The following LDLRAD3 variants were observed in gnomAD, a reference collection of about 807,000 sequenced individuals.
The protein encoded by LDLRAD3 is low-density lipoprotein receptor class A domain-containing protein 3.
A neutral mutation model predicts 29.4 loss-of-function variants in LDLRAD3; 20 were observed. The ratio of observed to expected loss-of-function variants is 0.68; its 90% CI spans 0.48 to 0.99. The LOEUF (loss-of-function observed/expected upper bound fraction) is 0.99. Ranked by LOEUF, LDLRAD3 falls within the 50% of genes least tolerant of loss-of-function variation. LDLRAD3 has a pLI of 0.00. For missense variants in LDLRAD3, 420 were observed against 454.3 expected (o/e 0.92, Z 0.69); for synonymous variants, 157 against 192.7 (o/e 0.81, Z 1.53).
chr11:35,950,831 C>G (rs539837166), intron 1 of LDLRAD3, among the ~76,000 whole-genome samples: 2 of 152,230 alleles, frequency 1.3e-5, no homozygotes, highest in African/African-American at 4.8e-5. Context: ...TGCCTGTAAT[C>G]CCAGCACTTT....
intron 4 of LDLRAD3, among the ~76,000 whole-genome samples, chr11:36,129,477 G>T (rs1853892531): frequency 6.6e-6 from 1 of 152,178 alleles, no homozygotes; most frequent in Non-Finnish European, 1.5e-5. Flanking sequence ...CTGTCCCAGA[G>T]TCCCTTCAGA....
Position 36,167,399 on chromosome 11 carries a change from A to G in LDLRAD3, c.455-59686A>G, listed in dbSNP as rs1387254920. On this transcript the variant is annotated intron_variant, in intron 4 of 5. Coordinates refer to ENST00000315571, the MANE Select transcript of LDLRAD3 (RefSeq NM_174902.4). ...ATTACCATAGCCTAGCTAAGTTGAC[A>G]CATAAAATTAACCATCACGATGAGG... Among the ~76,000 whole-genome samples, 3 of 152,220 alleles carry G rather than the reference A, an allele frequency of 2.0e-5. No homozygotes were observed. In the East Asian group the frequency reaches 5.8e-4, roughly 29 times the overall value.
chr11:36,018,390 G>C (rs990154340), intron 1 of LDLRAD3, among the ~76,000 whole-genome samples: 2 of 152,110 alleles, frequency 1.3e-5, no homozygotes, highest in Non-Finnish European at 2.9e-5. Flanking sequence ...AAGTTAGTAT[G>C]AGTTTATTTG....
At chr11:36,063,567 T>G (rs775808814) in intron 2 of LDLRAD3, among the ~76,000 whole-genome samples, 3 of 152,218 alleles carry the variant, frequency 2.0e-5, no homozygotes, top group Non-Finnish European at 4.4e-5. Flanking sequence ...TTCATCTGTG[T>G]TGTATCATGT....
At chr11:36,012,321 C>T (rs975417588) in intron 1 of LDLRAD3, among the ~76,000 whole-genome samples, 3 of 152,194 alleles carry the variant, frequency 2.0e-5, no homozygotes, top group African/African-American at 7.2e-5. Context: ...AGCACAAATT[C>T]TTTTTCCTTC....
At chr11:35,974,834 ACAAGGG>A (rs1358168289) in intron 1 of LDLRAD3, among the ~76,000 whole-genome samples, 1 of 152,226 alleles carries the variant, frequency 6.6e-6, no homozygotes, top group East Asian at 1.9e-4. Context: ...AGAGGATCAC[ACAAGGG>A]CATGATGCCA....
At chr11:35,951,505 A>G (rs1354804625) in intron 1 of LDLRAD3, among the ~76,000 whole-genome samples, 1 of 152,104 alleles carries the variant, frequency 6.6e-6, no homozygotes, top group Non-Finnish European at 1.5e-5. Context: ...TCTTGAACAG[A>G]CACCCCTTTT....
intron 4 of LDLRAD3, among the ~76,000 whole-genome samples, chr11:36,123,605 C>T (rs1288156693): frequency 6.6e-6 from 1 of 152,244 alleles, no homozygotes; most frequent in Non-Finnish European, 1.5e-5. Flanking sequence ...TGCAAGGTGG[C>T]ATGGCCAAGT....
chr11:36,181,097 A>G (rs1854755708), intron 4 of LDLRAD3, among the ~76,000 whole-genome samples: 1 of 152,048 alleles, frequency 6.6e-6, no homozygotes. Flanking sequence ...GTGTGGCTCA[A>G]TGTTAACTTT....
intron 2 of LDLRAD3, among the ~76,000 whole-genome samples, chr11:36,046,972 C>A (rs1230801717): frequency 6.6e-6 from 1 of 152,118 alleles, no homozygotes; most frequent in Non-Finnish European, 1.5e-5. Context: ...TTGGCCATTT[C>A]CATAATGTGA....
intron 3 of LDLRAD3, among the ~76,000 whole-genome samples, chr11:36,094,337 T>C (rs35693743): frequency 0.26 from 39,051 of 152,166 alleles, 5,742 homozygotes; most frequent in Admixed American, 0.33. Context: ...ATAGTATGCC[T>C]TTCATTTACA....
intron 4 of LDLRAD3, among the ~76,000 whole-genome samples, chr11:36,194,770 T>A (rs1399774492): frequency 1.3e-5 from 2 of 152,200 alleles, no homozygotes; most frequent in African/African-American, 4.8e-5. Flanking sequence ...TAAAACTCTG[T>A]CATCCTTGAC....
chr11:36,141,156 A>T (rs1381487906), intron 4 of LDLRAD3, among the ~76,000 whole-genome samples: 1 of 152,142 alleles, frequency 6.6e-6, no homozygotes, highest in African/African-American at 2.4e-5. Flanking sequence ...TGGCAGTAAT[A>T]TATGTGAAAA....
chr11:36,013,457 T>C (rs557981984), intron 1 of LDLRAD3, among the ~76,000 whole-genome samples: 2 of 149,998 alleles, frequency 1.3e-5, no homozygotes, highest in East Asian at 4.1e-4. Context: ...TCCCTCCCCT[T>C]GCCCCCCACC....
At chr11:36,169,356 C>A (rs988651981) in intron 4 of LDLRAD3, among the ~76,000 whole-genome samples, 3 of 152,148 alleles carry the variant, frequency 2.0e-5, no homozygotes, top group African/African-American at 7.2e-5. Context: ...ACTGTAGTCA[C>A]CCTACTGCGC....
chr11:36,050,887 G>A (rs116960086), intron 2 of LDLRAD3, among the ~76,000 whole-genome samples: 14,258 of 152,172 alleles, frequency 0.094, 900 homozygotes, highest in Admixed American at 0.15. Flanking sequence ...GTGAGGGCTC[G>A]CGTCCTGGTT....
At chr11:35,950,917 T>A (rs529002635) in intron 1 of LDLRAD3, among the ~76,000 whole-genome samples, 5 of 151,966 alleles carry the variant, frequency 3.3e-5, no homozygotes, top group South Asian at 2.1e-4. Flanking sequence ...CCCCGTCTCT[T>A]CTAAAAATGC....
intron 2 of LDLRAD3, among the ~76,000 whole-genome samples, chr11:36,064,183 T>C (rs1305270048): frequency 6.6e-6 from 1 of 152,252 alleles, no homozygotes; most frequent in African/African-American, 2.4e-5. Flanking sequence ...GGAAATGGAA[T>C]TGTTTTCATA....
intron 2 of LDLRAD3, among the ~76,000 whole-genome samples, chr11:36,076,413 G>A (rs1196941441): frequency 6.6e-6 from 1 of 150,880 alleles, no homozygotes; most frequent in East Asian, 1.9e-4. Context: ...TTTGAGATGA[G>A]TCTCTCTCTG....
Sources: gnomAD v4.1 joint callset for allele counts (sites outside exome capture counted in the v4.1 genomes callset) on GRCh38, gnomAD v4.1.1 for gene constraint, MANE v1.5 for transcripts, NCBI Gene and HGNC (gene_info 2026-07-23, HGNC 2026-07-21) for gene names.